NLGN1: variants seen among roughly 807,000 people sequenced by gnomAD.
NLGN1 encodes the protein neuroligin-1.
Under a neutral mutation model 65.5 loss-of-function variants are expected in NLGN1, and 12 were observed. The observed-to-expected ratio is 0.18, with a 90% CI of 0.12 to 0.30. NLGN1 has a LOEUF of 0.30. NLGN1 is among the 10% of genes least tolerant of loss of function. NLGN1 has a pLI of 1.00. For missense variants in NLGN1, 750 were observed against 1,007.1 expected, an observed-to-expected ratio of 0.74 and a Z score of 3.46; for synonymous variants, 350 against 359.5, an observed-to-expected ratio of 0.97 and a Z score of 0.30.
At chr3:174,223,951 A>AGTC (rs1739135770) in intron 4 of NLGN1, among the ~76,000 whole-genome samples, 1 of 152,190 alleles carries the variant, frequency 6.6e-6, no homozygotes, top group Non-Finnish European at 1.5e-5. Flanking sequence ...AGAGCCACAA[A>AGTC]GTCCTACACA....
chr3:173,708,518 C>G (rs775030323), intron 3 of NLGN1, among the ~76,000 whole-genome samples: 2 of 152,136 alleles, frequency 1.3e-5, no homozygotes, highest in African/African-American at 4.8e-5. Flanking sequence ...GAGGAAAAGA[C>G]CAGGAGAGAG....
intron 4 of NLGN1, among the ~76,000 whole-genome samples, chr3:174,009,656 A>G (rs1725133719): frequency 6.6e-6 from 1 of 152,168 alleles, no homozygotes; most frequent in Non-Finnish European, 1.5e-5. Context: ...CTTATTATCT[A>G]ATTGGCTGAT....
At chr3:173,623,005 A>G (rs1287351169) in intron 3 of NLGN1, among the ~76,000 whole-genome samples, 3 of 152,144 alleles carry the variant, frequency 2.0e-5, no homozygotes, top group Non-Finnish European at 2.9e-5. Context: ...AATGCATTCT[A>G]TACCCTCAAG....
At chr3:173,493,842 G>T (rs7646820) in intron 2 of NLGN1, among the ~76,000 whole-genome samples, 79,685 of 142,302 alleles carry the variant, frequency 0.56, 21,673 homozygotes, top group East Asian at 0.78. Context: ...TATATATATA[G>T]AGAGAGAGTA....
At chr3:173,468,778 A>G (rs1724812444) in intron 2 of NLGN1, among the ~76,000 whole-genome samples, 1 of 152,090 alleles carries the variant, frequency 6.6e-6, no homozygotes, top group African/African-American at 2.4e-5. Flanking sequence ...TAGCACATCT[A>G]TAGTAAGTGA....
intron 4 of NLGN1, among the ~76,000 whole-genome samples, chr3:174,273,261 C>T (rs867298924): frequency 4.6e-5 from 7 of 150,702 alleles, no homozygotes; most frequent in South Asian, 2.1e-4. Flanking sequence ...AACCTCATAA[C>T]AAGAGTATTA....
chr3:173,619,111 G>A (rs1434924496), intron 3 of NLGN1, among the ~76,000 whole-genome samples: 1 of 151,954 alleles, frequency 6.6e-6, no homozygotes, highest in African/African-American at 2.4e-5. Context: ...CTTGTTTCCT[G>A]GTTTTGCTGG....
chr3:173,464,177 A>T (rs913764004), intron 2 of NLGN1, among the ~76,000 whole-genome samples: 3 of 152,150 alleles, frequency 2.0e-5, no homozygotes, highest in Non-Finnish European at 2.9e-5. Context: ...CTGAAAGTCT[A>T]CTATGGAGAA....
At chr3:173,686,082 T>C (rs191840422) in intron 3 of NLGN1, among the ~76,000 whole-genome samples, 14 of 152,202 alleles carry the variant, frequency 9.2e-5, no homozygotes, top group Non-Finnish European at 1.8e-4. Flanking sequence ...AGGAAATACA[T>C]TGAGTTAAAA....
intron 4 of NLGN1, among the ~76,000 whole-genome samples, chr3:173,893,091 G>A (rs75513739): frequency 5.3e-5 from 8 of 152,072 alleles, no homozygotes; most frequent in African/African-American, 1.7e-4. Flanking sequence ...GAAATCAGGC[G>A]CAGAAAATCA....
chr3:173,807,890 G>A, intron 4 of NLGN1, 58 bp downstream of exon 4: 1 of 1,515,152 alleles, frequency 6.6e-7, no homozygotes, highest in Non-Finnish European at 9.1e-7. Context: ...TGATGGTTTT[G>A]TTTTGACTTG....
At chr3:173,617,301 A>G (rs561539039) in intron 3 of NLGN1, among the ~76,000 whole-genome samples, 2 of 152,208 alleles carry the variant, frequency 1.3e-5, no homozygotes, top group Admixed American at 6.5e-5. Context: ...TTATGTGCTG[A>G]TATTTACTCT....
chr3:173,672,781 A>G (rs530238226), intron 3 of NLGN1, among the ~76,000 whole-genome samples: 12 of 152,338 alleles, frequency 7.9e-5, no homozygotes, highest in Non-Finnish European at 1.3e-4. Flanking sequence ...TGAAGTACCT[A>G]TAACAATGTA....
At chr3:173,946,328 A>T (rs901510294) in intron 4 of NLGN1, among the ~76,000 whole-genome samples, 1 of 151,890 alleles carries the variant, frequency 6.6e-6, no homozygotes, top group African/African-American at 2.4e-5. Context: ...GTGTGTGTGT[A>T]TGTGTGTGTG....
chr3:173,429,415 C>T (rs1716773846), intron 1 of NLGN1, among the ~76,000 whole-genome samples: 1 of 152,212 alleles, frequency 6.6e-6, no homozygotes, highest in East Asian at 1.9e-4. Context: ...TCTTGGAGTT[C>T]ACTGAGTTTC....
chr3:173,833,098 A>G (rs1722921865), intron 4 of NLGN1, among the ~76,000 whole-genome samples: 1 of 152,238 alleles, frequency 6.6e-6, no homozygotes, highest in Non-Finnish European at 1.5e-5. Context: ...ACTACTGAAT[A>G]TAGAAAAAAT....
intron 2 of NLGN1, among the ~76,000 whole-genome samples, chr3:173,557,066 G>A (rs1392902150): frequency 1.3e-5 from 2 of 152,038 alleles, no homozygotes; most frequent in African/African-American, 4.8e-5. Context: ...ATCAGTCACT[G>A]AGAAAGTAGT....
chr3:173,586,204 T>C (rs1747412222), intron 2 of NLGN1, among the ~76,000 whole-genome samples: 1 of 151,970 alleles, frequency 6.6e-6, no homozygotes, highest in Non-Finnish European at 1.5e-5. Flanking sequence ...AAAATGGAGA[T>C]AGATAAAAGA....
chr3:173,583,540 G>A (rs1390993745), intron 2 of NLGN1, among the ~76,000 whole-genome samples: 1 of 152,156 alleles, frequency 6.6e-6, no homozygotes, highest in East Asian at 1.9e-4. Flanking sequence ...GAGTGTCTTG[G>A]ACTGCTTGCA....
Sources: gnomAD v4.1 joint callset for allele counts (sites outside exome capture counted in the v4.1 genomes callset) on GRCh38, gnomAD v4.1.1 for gene constraint, MANE v1.5 for transcripts, NCBI Gene and HGNC (gene_info 2026-07-23, HGNC 2026-07-21) for gene names.